The following PAH variants were observed in gnomAD, a reference collection of about 807,000 sequenced individuals.
PAH encodes phenylalanine hydroxylase.
In PAH, 64 loss-of-function variants were observed where a neutral mutation model predicts 62.0. The ratio of observed to expected loss-of-function variants is 1.03; its 90% CI spans 0.84 to 1.27. The LOEUF is 1.27. Among genes scored for constraint, PAH ranks in the 50% most tolerant of loss-of-function variants. The pLI is 0.00. For missense variants in PAH, 579 were observed against 542.8 expected, an observed-to-expected ratio of 1.07 and a Z score of -0.66; for synonymous variants, 195 against 196.2, an observed-to-expected ratio of 0.99 and a Z score of 0.05.
chr12:102,891,530 A>G (rs1460562978), intron 3 of PAH, among the ~76,000 whole-genome samples: 1 of 152,200 alleles, frequency 6.6e-6, no homozygotes. Flanking sequence ...TGATAATGGT[A>G]AGAATAGAGA....
At chr12:102,914,107 A>G (rs1312219152) in intron 1 of PAH, among the ~76,000 whole-genome samples, 1 of 152,222 alleles carries the variant, frequency 6.6e-6, no homozygotes, top group East Asian at 1.9e-4. Context: ...AATTCTTTCA[A>G]TTCAGAAAAT....
At chr12:102,863,255 A>G (rs1023184498) in intron 5 of PAH, among the ~76,000 whole-genome samples, 6 of 152,210 alleles carry the variant, frequency 3.9e-5, no homozygotes, top group African/African-American at 7.2e-5. Flanking sequence ...TACCATTATG[A>G]CTGATTCTCA....
At chr12:102,932,825 G>A (rs532065295) in intron 1 of PAH, among the ~76,000 whole-genome samples, 4,802 of 152,130 alleles carry the variant, frequency 0.032, 262 homozygotes, top group African/African-American at 0.11. Context: ...ATTTTTAGTT[G>A]TTGTGAGTAT....
At chr12:102,846,800 A>G (rs1391734283) in intron 9 of PAH, 95 bp downstream of exon 9, 2 of 998,088 alleles carry the variant, frequency 2.0e-6, no homozygotes, top group African/African-American at 3.2e-5. Context: ...TTTTCCCCAG[A>G]TAACCTGGCT....
At chr12:102,928,618 T>C (rs1878753978) in intron 1 of PAH, among the ~76,000 whole-genome samples, 1 of 152,138 alleles carries the variant, frequency 6.6e-6, no homozygotes, top group African/African-American at 2.4e-5. Context: ...GAGACTGCAG[T>C]CACTACTCAT....
At position 102,838,278 on chromosome 12, in the gene PAH, T is replaced by C. The variant is rs1191038976; in HGVS notation, c.*897A>G. 3.3e-5 allele frequency: 5 copies of C among 152,220 alleles called. No individual in the cohort carries two copies. Among genetic ancestry groups the C allele is most frequent in the Non-Finnish European group, 7.3e-5 (5 of 68,044 alleles). 9.4% of individuals were successfully genotyped at this position (152,220 alleles called of 1,614,324 possible). A position where few individuals can be genotyped will look rare whatever the true frequency, so the allele number is the denominator to read the frequency against. On this transcript the variant is annotated 3_prime_UTR_variant, in exon 13 of 13. Coordinates refer to ENST00000553106, the MANE Select transcript of PAH (RefSeq NM_000277.3). ...TCTAGCTAATGTATTTCTAAGGCAG[T>C]GAGAGGAATATTTCATTCCAGGAAA...
intron 1 of PAH, among the ~76,000 whole-genome samples, chr12:102,932,917 G>A (rs1461012404): frequency 2.6e-5 from 4 of 152,224 alleles, no homozygotes; most frequent in Non-Finnish European, 4.4e-5. Flanking sequence ...CACATTGCAC[G>A]CTTATACTCA....
At chr12:102,954,390 G>T (rs549451052), upstream of PAH, among the ~76,000 whole-genome samples, 4 of 152,284 alleles carry the variant, frequency 2.6e-5, no homozygotes, top group African/African-American at 9.6e-5. Context: ...GGCTCCTCCT[G>T]CCACACACCC....
chr12:102,869,129 G>A (rs886301079), intron 4 of PAH, among the ~76,000 whole-genome samples: 1 of 152,086 alleles, frequency 6.6e-6, no homozygotes, highest in Non-Finnish European at 1.5e-5. Flanking sequence ...TTCAATCCGT[G>A]GATTTCCACT....
intron 4 of PAH, among the ~76,000 whole-genome samples, chr12:102,867,702 A>G (rs1876038369): frequency 6.6e-6 from 1 of 151,942 alleles, no homozygotes. Context: ...ACAGAGTGTA[A>G]TGTTTAAAGG....
At chr12:102,882,482 T>C (rs867658938) in intron 3 of PAH, among the ~76,000 whole-genome samples, 1 of 151,990 alleles carries the variant, frequency 6.6e-6, no homozygotes, top group Non-Finnish European at 1.5e-5. Flanking sequence ...AACAACATGA[T>C]GTTAAATGAG....
At chr12:102,942,579 T>G (rs1281250581) in intron 1 of PAH, among the ~76,000 whole-genome samples, 4 of 152,036 alleles carry the variant, frequency 2.6e-5, no homozygotes, top group Non-Finnish European at 5.9e-5. Context: ...AAAATTCATA[T>G]GAAACCAAAA....
chr12:102,868,080 GTGTGTGTGTA>G lies in PAH; in HGVS notation c.442-1427_442-1418del, dbSNP rs1565854804. Among the ~76,000 whole-genome samples the G allele has an allele frequency of 1.4e-3, 68 of 47,758 alleles. 5 individuals are homozygous for G. The highest frequency in any genetic ancestry group is 5.3e-3 in the African/African-American group (53 of 10,086). 31.3% of individuals were successfully genotyped at this position (47,758 alleles called of 152,430 possible). On this transcript the variant is annotated intron_variant, in intron 4 of 12. Coordinates refer to ENST00000553106, the MANE Select transcript of PAH (RefSeq NM_000277.3). ...TATATACACATATATATACATATAT[GTGTGTGTGTA>G]TATATATATATATACACATATATAT...
chr12:102,879,709 C>T (rs1261119820), intron 3 of PAH, among the ~76,000 whole-genome samples: 13 of 152,034 alleles, frequency 8.6e-5, no homozygotes, highest in Admixed American at 7.2e-4. Flanking sequence ...ACAGTGGAGT[C>T]AGGATTCAAA....
intron 11 of PAH, 106 bp from the exon 12 acceptor site, chr12:102,840,621 T>C (rs1035456991): frequency 1.3e-6 from 1 of 794,806 alleles, no homozygotes; most frequent in African/African-American, 1.7e-5. Flanking sequence ...CACGGACACC[T>C]CCCTAGAGCA....
At chr12:102,893,123 G>A (rs1404711578) in intron 3 of PAH, among the ~76,000 whole-genome samples, 2 of 152,230 alleles carry the variant, frequency 1.3e-5, no homozygotes, top group African/African-American at 4.8e-5. Context: ...ATTAAGGCCA[G>A]GCACAGTGGC....
chr12:102,877,840 G>A (rs1000945391), intron 3 of PAH, among the ~76,000 whole-genome samples: 2 of 152,164 alleles, frequency 1.3e-5, no homozygotes, highest in African/African-American at 4.8e-5. Context: ...TTCTTTAGCA[G>A]CAGAATTTTT....
In PAH at chr12:102,843,745, A is replaced by AG. The variant is rs62506951; in HGVS notation, c.1099dup (p.Leu367ProfsTer27). The AG allele has an allele frequency of 1.2e-6, 2 of 1,613,780 alleles. No homozygotes were observed. The highest frequency in any genetic ancestry group is 1.7e-6 in the Non-Finnish European group (2 of 1,179,758). Reference sequence around the variant, plus strand: ...TTGGATGGCTGTCTTCTCCAGCTCCAGGGGGAGAAGCTTTGGCTTCTCTGA... The same window carrying AG: ...TTGGATGGCTGTCTTCTCCAGCTCCAGGGGGGAGAAGCTTTGGCTTCTCTGA... On this transcript the variant is annotated frameshift_variant, in exon 11 of 13. Coordinates refer to ENST00000553106, the MANE Select transcript of PAH (RefSeq NM_000277.3). LOFTEE classifies it high-confidence loss of function.
chr12:102,870,702 A>G (rs1234766473), intron 4 of PAH, among the ~76,000 whole-genome samples: 2 of 152,158 alleles, frequency 1.3e-5, no homozygotes, highest in Non-Finnish European at 2.9e-5. Flanking sequence ...TGCATTTTTC[A>G]TAATGTTTCA....
Sources: allele counts gnomAD v4.1 joint callset (sites outside exome capture counted in the v4.1 genomes callset), GRCh38; gene constraint gnomAD v4.1.1; transcripts MANE v1.5; gene names NCBI Gene and HGNC (gene_info 2026-07-23, HGNC 2026-07-21).